The following CFAP97 variants were observed in gnomAD, a reference collection of about 807,000 sequenced individuals.
CFAP97 encodes the protein cilia- and flagella-associated protein 97.
Under a neutral mutation model 43.1 loss-of-function variants are expected in CFAP97, and 36 were observed. The ratio of observed to expected loss-of-function variants is 0.84; its 90% CI spans 0.64 to 1.10. The LOEUF is 1.10. Among genes scored for constraint, CFAP97 ranks in the 50% least tolerant of loss-of-function variants. The pLI is 0.00. For synonymous variants in CFAP97, 228 were observed against 225.7 expected, an observed-to-expected ratio of 1.01 and a Z score of -0.09; for missense variants, 657 against 620.3, an observed-to-expected ratio of 1.06 and a Z score of -0.63.
chr4:185,171,809 T>C (rs1243038293), intron 3 of CFAP97, among the ~76,000 whole-genome samples: 1 of 152,212 alleles, frequency 6.6e-6, no homozygotes, highest in Non-Finnish European at 1.5e-5. Flanking sequence ...TGATCACGGC[T>C]CTCTGCAGCC....
Position 185,191,826 on chromosome 4 carries a change from C to T in CFAP97, c.-16-614G>A, listed in dbSNP as rs562873908. On this transcript the variant is annotated intron_variant, in intron 1 of 4. Coordinates refer to ENST00000458385, the MANE Select transcript of CFAP97 (RefSeq NM_020827.3). ...GCCTGGCGACAGAGCAAGACTCCAT[C>T]TCAACAACAACAAACAAAAACAAAA... Among the ~76,000 whole-genome samples the T allele has an allele frequency of 5.9e-5, 9 of 151,794 alleles. No homozygotes were observed. The South Asian group carries it at 1.9e-3, about 31-fold the overall frequency.
intron 3 of CFAP97, among the ~76,000 whole-genome samples, chr4:185,166,267 C>A (rs1005087662): frequency 6.6e-6 from 1 of 152,144 alleles, no homozygotes; most frequent in African/African-American, 2.4e-5. Flanking sequence ...ATGTAGGTGT[C>A]CAAACCTCCT....
intron 1 of CFAP97, among the ~76,000 whole-genome samples, chr4:185,193,779 C>G (rs1205467668): frequency 1.3e-5 from 2 of 152,208 alleles, no homozygotes; most frequent in East Asian, 3.9e-4. Flanking sequence ...CCACAACACT[C>G]TGCAGCCTTT....
chr4:185,161,952 G>A lies in CFAP97; in HGVS notation c.*846C>T, dbSNP rs372525980. On this transcript the variant is annotated 3_prime_UTR_variant, in exon 5 of 5. Transcript: ENST00000458385. ...CGACACACCTCAGGATCTGCTTCTC[G>A]GCTCTTCATGCTGATAGTGCCATTT... The A allele has an allele frequency of 7.9e-5, 12 of 152,024 alleles. No individual in the cohort carries two copies. The highest frequency in any genetic ancestry group is 2.4e-4 in the African/African-American group (10 of 41,384). The allele number at this position is 152,024 out of a possible 1,614,324, so 9.4% of individuals were successfully genotyped here.
intron 1 of CFAP97, among the ~76,000 whole-genome samples, chr4:185,201,495 A>T (rs976347488): frequency 1.3e-5 from 2 of 152,200 alleles, no homozygotes; most frequent in African/African-American, 4.8e-5. Flanking sequence ...CACCCTGATC[A>T]GTCAGCCGCC....
intron 2 of CFAP97, among the ~76,000 whole-genome samples, chr4:185,185,185 G>A (rs1355639918): frequency 1.3e-5 from 2 of 151,958 alleles, no homozygotes; most frequent in African/African-American, 4.8e-5. Context: ...CAAGAAATGA[G>A]TGCTGGCAGT....
Position 185,190,935 on chromosome 4 carries a change from T to A in CFAP97, c.262A>T (p.Thr88Ser). 6.2e-7 allele frequency: 1 copy of A among 1,613,778 alleles called. No individual in the cohort carries two copies. Among genetic ancestry groups the A allele is most frequent in the Non-Finnish European group, 8.5e-7 (1 of 1,179,772 alleles). Residue 88 changes from threonine to serine, a missense_variant, in exon 2 of 5, where the codon ACT (threonine) becomes TCT (serine). By Grantham distance (58) the Thr-to-Ser change is moderately conservative. Transcript: ENST00000458385. ...GCTGGCAATGAGAAAGAACTTACAG[T>A]TTGTGTAACATCATTCTCTACGGGG... ...EHPVENDVTQ[T>S]VSSFSLPASS...
chr4:185,204,785 G>A (rs1173853969), upstream of CFAP97, among the ~76,000 whole-genome samples: 1 of 152,238 alleles, frequency 6.6e-6, no homozygotes, highest in Non-Finnish European at 1.5e-5. Context: ...TTGGAGTGAT[G>A]TCAGAGGCAA....
intron 2 of CFAP97, among the ~76,000 whole-genome samples, chr4:185,186,560 CT>C (rs1428368306): frequency 6.6e-6 from 1 of 152,112 alleles, no homozygotes; most frequent in African/African-American, 2.4e-5. Flanking sequence ...TCTATACATC[CT>C]TTAGCCAATG....
Position 185,190,190 on chromosome 4 carries a change from T to G in CFAP97, c.1007A>C (p.Lys336Thr), listed in dbSNP as rs1348736827. ...CATTGTGTCATGTAAGACTTTCTGTTTATGTCTGTGGTCTAAACTGGAGTC... is the reference window on the plus strand; with the variant it reads ...CATTGTGTCATGTAAGACTTTCTGTGTATGTCTGTGGTCTAAACTGGAGTC... Reference protein sequence around the residue: ...VLDSSLDHRHKQKVLHDTMDL... With the variant: ...VLDSSLDHRHTQKVLHDTMDL... The change falls in exon 2 of 5, where the codon AAA becomes ACA. Residue 336 changes from lysine to threonine, a missense_variant. Transcript: ENST00000458385. 1.9e-6 allele frequency: 3 copies of G among 1,604,126 alleles called. No individual in the cohort carries two copies. In the African/African-American group the frequency reaches 4.0e-5, roughly 22 times the overall value.
At chr4:185,167,497 C>T (rs1735116601) in intron 3 of CFAP97, among the ~76,000 whole-genome samples, 3 of 151,916 alleles carry the variant, frequency 2.0e-5, no homozygotes, top group African/African-American at 4.8e-5. Context: ...TTTCAAAATG[C>T]TGTAACGATT....
intron 3 of CFAP97, among the ~76,000 whole-genome samples, chr4:185,174,750 C>T (rs140285850): frequency 1.1e-3 from 173 of 152,200 alleles, no homozygotes; most frequent in African/African-American, 3.6e-3. Flanking sequence ...GTTTTTTCAT[C>T]GTGAGATGTG....
In CFAP97 at chr4:185,190,454, G is replaced by T; in HGVS notation, c.743C>A (p.Ser248Tyr). ...TPKCGHYPEESEDTVTDVSPL... is the reference protein window; with the variant it reads ...TPKCGHYPEEYEDTVTDVSPL... ...ACTTACGTCAGTCACAGTATCTTCA[G>T]ACTCCTCAGGGTAGTGGCCACATTT... The change falls in exon 2 of 5, where the codon TCT (serine) becomes TAT (tyrosine). Residue 248 changes from serine (S) to tyrosine (Y), a missense_variant. Transcript: ENST00000458385. 6.2e-7 allele frequency: 1 copy of T among 1,613,908 alleles called. No homozygotes were observed. Among genetic ancestry groups the T allele is most frequent in the Non-Finnish European group, 8.5e-7 (1 of 1,179,848 alleles).
In CFAP97 at chr4:185,175,875, T is replaced by A. The variant is rs1560859762; in HGVS notation, c.1231A>T (p.Ile411Phe). The change falls in exon 3 of 5, where the codon ATT (isoleucine) becomes TTT (phenylalanine). Residue 411 changes from isoleucine to phenylalanine, a missense_variant. Coordinates refer to ENST00000458385, the MANE Select transcript of CFAP97 (RefSeq NM_020827.3). ...GGGGGATGATCAGCCGATCTAGGAA[T>A]TGTACTTTTGCTTCCCGGCTTTTCC... ...QAEKPGSKSTIPRSADHPPKL... is the reference protein window; with the variant it reads ...QAEKPGSKSTFPRSADHPPKL... 6.8e-6 allele frequency: 11 copies of A among 1,613,938 alleles called. No homozygotes were observed. The highest frequency in any genetic ancestry group is 8.5e-6 in the Non-Finnish European group (10 of 1,179,868).
chr4:185,173,999 A>C (rs186961274), intron 3 of CFAP97, among the ~76,000 whole-genome samples: 22 of 152,294 alleles, frequency 1.4e-4, no homozygotes, highest in Non-Finnish European at 3.1e-4. Context: ...TTAAAAAAAA[A>C]GGTAACCCCA....
chr4:185,170,094 T>G (rs1669333933), intron 3 of CFAP97: 1 of 1,207,974 alleles, frequency 8.3e-7, no homozygotes, highest in African/African-American at 1.6e-5. Flanking sequence ...ACACCTGTAA[T>G]CCTTGCTCTT....
In CFAP97 at chr4:185,161,062, G is replaced by C. The variant is rs1326525687; in HGVS notation, c.*1736C>G. 1 of 151,698 alleles carries C rather than the reference G, an allele frequency of 6.6e-6. No individual in the cohort carries two copies. The highest frequency in any genetic ancestry group is 2.4e-5 in the African/African-American group (1 of 41,338). 9.4% of individuals were successfully genotyped at this position (151,698 alleles called of 1,614,324 possible). On this transcript the variant is annotated 3_prime_UTR_variant, in exon 5 of 5. Transcript: ENST00000458385. ...TTATCTTCTCTCTCTTGAAATATAGGTTATATAAACAGTAAAAGTACAGTA... is the reference window on the plus strand; with the variant it reads ...TTATCTTCTCTCTCTTGAAATATAGCTTATATAAACAGTAAAAGTACAGTA...
intron 1 of CFAP97, among the ~76,000 whole-genome samples, chr4:185,195,784 C>T (rs796765325): frequency 1.6e-4 from 25 of 152,252 alleles, no homozygotes; most frequent in African/African-American, 5.8e-4. Flanking sequence ...GAAAAACAAA[C>T]TAAAATAGCC....
chr4:185,181,451 G>A (rs1014247974), intron 2 of CFAP97, among the ~76,000 whole-genome samples: 15 of 149,764 alleles, frequency 1.0e-4, no homozygotes, highest in East Asian at 4.1e-4. Context: ...TCAGCCTCCC[G>A]AGTAGCTGGG....
Sources: gnomAD v4.1 joint callset for allele counts (sites outside exome capture counted in the v4.1 genomes callset) on GRCh38, gnomAD v4.1.1 for gene constraint, MANE v1.5 for transcripts, NCBI Gene and HGNC (gene_info 2026-07-23, HGNC 2026-07-21) for gene names.